TAFA2: variants seen among roughly 807,000 people sequenced by gnomAD.
TAFA2 encodes the protein chemokine-like protein TAFA-2.
A neutral mutation model predicts 18.8 loss-of-function variants in TAFA2; 7 were observed. That is an observed-to-expected ratio of 0.37 (90% CI 0.21 to 0.70). The LOEUF (loss-of-function observed/expected upper bound fraction) is 0.70, where lower values mean the gene tolerates loss of function less well. TAFA2 is among the 30% of genes least tolerant of loss of function. The probability of loss-of-function intolerance (pLI) is 0.53; values close to 1 mark genes in which losing one functional copy is unlikely to be tolerated. For synonymous variants in TAFA2, 60 were observed against 54.2 expected (o/e 1.11, Z -0.47); for missense variants, 122 against 158.1 (o/e 0.77, Z 1.23).
At chr12:61,994,439 C>T (rs1221335752) in intron 1 of TAFA2, among the ~76,000 whole-genome samples, 3 of 152,200 alleles carry the variant, frequency 2.0e-5, no homozygotes, top group Admixed American at 2.0e-4. Flanking sequence ...GTCTCTCACC[C>T]TCTCCTGAGT....
At chr12:62,249,011 A>C (rs1462609416) in intron 1 of TAFA2, among the ~76,000 whole-genome samples, 1 of 152,158 alleles carries the variant, frequency 6.6e-6, no homozygotes, top group African/African-American at 2.4e-5. Flanking sequence ...AGCAGTGAGC[A>C]TGATACTTCA....
intron 1 of TAFA2, among the ~76,000 whole-genome samples, chr12:61,918,977 C>A (rs1010151064): frequency 3.3e-5 from 5 of 152,140 alleles, no homozygotes; most frequent in Non-Finnish European, 7.3e-5. Flanking sequence ...AGATGAGAAC[C>A]ATAGTTCCAA....
chr12:62,005,657 G>A (rs1880521586), intron 1 of TAFA2, among the ~76,000 whole-genome samples: 1 of 152,058 alleles, frequency 6.6e-6, no homozygotes, highest in South Asian at 2.1e-4. Context: ...TAGCACCAGA[G>A]AGGATCAATG....
chr12:61,983,122 T>G (rs1879695381), intron 1 of TAFA2, among the ~76,000 whole-genome samples: 1 of 152,166 alleles, frequency 6.6e-6, no homozygotes, highest in African/African-American at 2.4e-5. Flanking sequence ...AATAGACTAT[T>G]TGGAAGCTAA....
chr12:61,976,622 T>C (rs1017857343), intron 1 of TAFA2, among the ~76,000 whole-genome samples: 4 of 152,048 alleles, frequency 2.6e-5, no homozygotes, highest in African/African-American at 7.2e-5. Flanking sequence ...ATGTGCCATG[T>C]TGGTGTGCTG....
At chr12:62,123,357 A>C (rs1421924619) in intron 1 of TAFA2, among the ~76,000 whole-genome samples, 5 of 152,098 alleles carry the variant, frequency 3.3e-5, no homozygotes, top group Non-Finnish European at 2.9e-5. Flanking sequence ...GTAGGTGCAC[A>C]CACAATGTGT....
chr12:61,865,480 A>C (rs1440527874), intron 2 of TAFA2, among the ~76,000 whole-genome samples: 3 of 152,192 alleles, frequency 2.0e-5, no homozygotes, highest in African/African-American at 7.2e-5. Flanking sequence ...TTCATCCAAA[A>C]TATTGGTGGC....
At chr12:61,749,761 T>G (rs977842531) in intron 4 of TAFA2, among the ~76,000 whole-genome samples, 1 of 152,074 alleles carries the variant, frequency 6.6e-6, no homozygotes, top group Non-Finnish European at 1.5e-5. Context: ...CTGGGACATA[T>G]GATTCATAAA....
intron 4 of TAFA2, among the ~76,000 whole-genome samples, chr12:61,746,763 T>G (rs2120724645): frequency 6.6e-6 from 1 of 152,276 alleles, no homozygotes; most frequent in Non-Finnish European, 1.5e-5. Flanking sequence ...TTTGTTTTGT[T>G]TTGTTTTCAG....
At chr12:62,211,343 G>T (rs933907080) in intron 1 of TAFA2, among the ~76,000 whole-genome samples, 3 of 152,158 alleles carry the variant, frequency 2.0e-5, no homozygotes, top group Admixed American at 6.5e-5. Flanking sequence ...ACTTTGGCAG[G>T]CCAAGGCAGG....
intron 1 of TAFA2, among the ~76,000 whole-genome samples, chr12:62,064,222 A>G (rs1364379771): frequency 1.3e-5 from 2 of 152,080 alleles, no homozygotes; most frequent in Non-Finnish European, 2.9e-5. Flanking sequence ...AATTGTAAAC[A>G]CTATTATTTT....
intron 1 of TAFA2, among the ~76,000 whole-genome samples, chr12:62,227,415 G>T (rs1368854341): frequency 1.3e-5 from 2 of 152,038 alleles, no homozygotes; most frequent in African/African-American, 4.8e-5. Flanking sequence ...CTGGCAGAAG[G>T]GTATTTGTCT....
intron 1 of TAFA2, among the ~76,000 whole-genome samples, chr12:62,147,500 C>G (rs868424508): frequency 6.7e-6 from 1 of 150,120 alleles, no homozygotes; most frequent in Admixed American, 6.6e-5. Context: ...GAGGCTGAGG[C>G]GGGCAGATCA....
rs577399409 is a variant in TAFA2 at position 62,161,081 on chromosome 12, A to T, written c.-2+30178T>A. Among the ~76,000 whole-genome samples the T allele has an allele frequency of 6.6e-5, 10 of 152,310 alleles. No homozygotes were observed. In the East Asian group the frequency reaches 1.9e-3, roughly 29 times the overall value. On this transcript the variant is annotated intron_variant, in intron 1 of 4. Transcript: ENST00000416284. Reference sequence around the variant, plus strand: ...CAGTGAGCCTACTCTATTTGTTATTATTTGGTTTTGAACTACCCTGTGGTA... The same window carrying T: ...CAGTGAGCCTACTCTATTTGTTATTTTTTGGTTTTGAACTACCCTGTGGTA...
chr12:62,160,451 C>A (rs894513760), intron 1 of TAFA2, among the ~76,000 whole-genome samples: 1 of 152,302 alleles, frequency 6.6e-6, no homozygotes, highest in Non-Finnish European at 1.5e-5. Context: ...ATTGCAATTA[C>A]CTGGTTTCTC....
intron 2 of TAFA2, among the ~76,000 whole-genome samples, chr12:61,841,521 A>T (rs921117827): frequency 6.6e-6 from 1 of 152,078 alleles, no homozygotes; most frequent in African/African-American, 2.4e-5. Context: ...TTTTATGCCA[A>T]TACCATGCTG....
intron 2 of TAFA2, among the ~76,000 whole-genome samples, chr12:61,781,380 G>A (rs890445454): frequency 3.3e-5 from 5 of 151,804 alleles, no homozygotes; most frequent in Non-Finnish European, 7.4e-5. Context: ...TCTGAGGTAT[G>A]TTTGACATGC....
At chr12:61,918,649 A>G (rs349883) in intron 1 of TAFA2, among the ~76,000 whole-genome samples, 22,462 of 152,106 alleles carry the variant, frequency 0.15, 4,645 homozygotes, top group African/African-American at 0.47. Flanking sequence ...TATATTGACT[A>G]CCTTTATTTT....
At chr12:62,135,550 A>G (rs1056067431) in intron 1 of TAFA2, among the ~76,000 whole-genome samples, 2 of 148,666 alleles carry the variant, frequency 1.3e-5, no homozygotes, top group South Asian at 2.2e-4. Flanking sequence ...ATAGAAATAA[A>G]GGGTTATTTG....
Sources: allele counts gnomAD v4.1 joint callset (sites outside exome capture counted in the v4.1 genomes callset), GRCh38; gene constraint gnomAD v4.1.1; transcripts MANE v1.5; gene names NCBI Gene and HGNC (gene_info 2026-07-23, HGNC 2026-07-21).